Variants in SCFD1 observed in about 807,000 individuals in gnomAD.
The protein encoded by SCFD1 is sec1 family domain containing 1, also known as sec1 family domain-containing protein 1.
In SCFD1, 37 loss-of-function variants were observed where a neutral mutation model predicts 103.2. The ratio of observed to expected loss-of-function variants is 0.36; its 90% confidence interval spans 0.28 to 0.47. SCFD1 has a LOEUF of 0.47. SCFD1 is among the 20% of genes least tolerant of loss of function. The pLI is 1.00. For synonymous variants in SCFD1, 264 were observed against 245.0 expected (o/e 1.08, Z -0.73); for missense variants, 639 against 761.2 (o/e 0.84, Z 1.89).
At chr14:30,653,803 G>A (rs769369000) in intron 10 of SCFD1, 6 of 342,954 alleles carry the variant, frequency 1.7e-5, no homozygotes, top group Non-Finnish European at 3.1e-5. Flanking sequence ...TCTTTATAGG[G>A]TAAAGTAGTG....
chr14:30,729,991 A>C (rs1893329990), intron 23 of SCFD1, among the ~76,000 whole-genome samples: 1 of 151,908 alleles, frequency 6.6e-6, no homozygotes, highest in Non-Finnish European at 1.5e-5. Context: ...TATATCTCCT[A>C]ATGCTTTCTC....
chr14:30,633,915 A>G (rs772108775), intron 3 of SCFD1, 32 bp from the exon 4 acceptor site: 10 of 1,311,486 alleles, frequency 7.6e-6, no homozygotes, highest in Non-Finnish European at 1.1e-5. Flanking sequence ...AAGTGAATAA[A>G]AAAATAAGTT....
chr14:30,715,835 G>C, intron 19 of SCFD1, 89 bp from the exon 20 acceptor site: 1 of 671,090 alleles, frequency 1.5e-6, no homozygotes, highest in Non-Finnish European at 2.6e-6. Flanking sequence ...TGAAAGGTAA[G>C]CATACTTAAC....
At chr14:30,690,764 C>G (rs1890229237) in intron 14 of SCFD1, among the ~76,000 whole-genome samples, 2 of 151,938 alleles carry the variant, frequency 1.3e-5, no homozygotes, top group Non-Finnish European at 2.9e-5. Flanking sequence ...CAGAAATCAC[C>G]CGTCTTCTGC....
At chr14:30,671,833 T>C (rs1488656498) in intron 11 of SCFD1, among the ~76,000 whole-genome samples, 1 of 151,936 alleles carries the variant, frequency 6.6e-6, no homozygotes, top group East Asian at 1.9e-4. Flanking sequence ...TCATCCAGCT[T>C]TCGTTGGTAA....
intron 5 of SCFD1, among the ~76,000 whole-genome samples, chr14:30,638,489 T>C (rs1046399469): frequency 6.6e-6 from 1 of 152,192 alleles, no homozygotes; most frequent in African/African-American, 2.4e-5. Flanking sequence ...AAAAGCAGAA[T>C]GAGTTTTGCT....
chr14:30,734,334 G>GTATT (rs1893688304), intron 23 of SCFD1, among the ~76,000 whole-genome samples: 1 of 152,202 alleles, frequency 6.6e-6, no homozygotes, highest in Admixed American at 6.5e-5. Context: ...GGAATGAGAT[G>GTATT]TATTAACTTA....
At chr14:30,672,481 G>C (rs1241814223) in intron 11 of SCFD1, among the ~76,000 whole-genome samples, 7 of 152,152 alleles carry the variant, frequency 4.6e-5, no homozygotes. Context: ...TTTGTTCACT[G>C]TTAATGAGAC....
intron 23 of SCFD1, among the ~76,000 whole-genome samples, chr14:30,727,955 A>G (rs986013773): frequency 1.3e-4 from 20 of 152,202 alleles, no homozygotes; most frequent in Admixed American, 2.6e-4. Context: ...AGTCCATTCC[A>G]TCATTCCTCA....
intron 14 of SCFD1, among the ~76,000 whole-genome samples, chr14:30,677,325 C>CA (rs930396796): frequency 1.2e-4 from 18 of 151,878 alleles, no homozygotes; most frequent in South Asian, 1.0e-3. Flanking sequence ...CACACCCAGT[C>CA]AAAAAAATAG....
At position 30,632,046 on chromosome 14, in the gene SCFD1, G is replaced by GA. The variant is rs61645782; in HGVS notation, c.221+1506dup. On this transcript the variant is annotated intron_variant, in intron 3 of 24. Coordinates refer to ENST00000458591, the MANE Select transcript of SCFD1 (RefSeq NM_016106.4). ...CTGGGCAGCAGAGCAAGATTCTGTTGAAAAAAAAAAAAAAAAAAAAAAAAA... is the reference window on the plus strand; with the variant it reads ...CTGGGCAGCAGAGCAAGATTCTGTTGAAAAAAAAAAAAAAAAAAAAAAAAAA... Among the ~76,000 whole-genome samples, 590 of 70,192 alleles carry GA rather than the reference G, an allele frequency of 8.4e-3. 11 individuals are homozygous for GA. Among genetic ancestry groups the GA allele is most frequent in the South Asian group, 0.049 (90 of 1,828 alleles). 46.0% of individuals were successfully genotyped at this position (70,192 alleles called of 152,430 possible).
intron 23 of SCFD1, among the ~76,000 whole-genome samples, chr14:30,730,760 A>T (rs1222717325): frequency 6.6e-6 from 1 of 152,234 alleles, no homozygotes; most frequent in East Asian, 1.9e-4. Context: ...GCCCTTTGTC[A>T]GATGAGTAGA....
At chr14:30,667,612 A>G (rs929419673) in intron 10 of SCFD1, among the ~76,000 whole-genome samples, 4 of 152,192 alleles carry the variant, frequency 2.6e-5, no homozygotes, top group Non-Finnish European at 4.4e-5. Flanking sequence ...GAGGAAGTCA[A>G]ATTGTCCCTG....
intron 18 of SCFD1, among the ~76,000 whole-genome samples, chr14:30,707,330 T>G (rs912859034): frequency 3.0e-4 from 45 of 152,224 alleles, no homozygotes; most frequent in Admixed American, 2.9e-3. Flanking sequence ...ACCACAGATA[T>G]AAACCCAGTA....
chr14:30,722,230 C>A (rs947103361), intron 22 of SCFD1, among the ~76,000 whole-genome samples: 1 of 152,058 alleles, frequency 6.6e-6, no homozygotes, highest in African/African-American at 2.4e-5. Flanking sequence ...TACAAAGAAG[C>A]TTCTCCGTAA....
chr14:30,719,895 AT>A (rs1178745892), intron 21 of SCFD1, among the ~76,000 whole-genome samples: 2 of 145,772 alleles, frequency 1.4e-5, no homozygotes, highest in Non-Finnish European at 3.0e-5. Context: ...ATTTTTCATG[AT>A]TTAATTAGCG....
At chr14:30,712,664 A>ATAT (rs1891968919) in intron 19 of SCFD1, among the ~76,000 whole-genome samples, 2 of 152,170 alleles carry the variant, frequency 1.3e-5, no homozygotes, top group South Asian at 4.1e-4. Context: ...ATTTCTCACT[A>ATAT]TATTTTTTTC....
intron 11 of SCFD1, among the ~76,000 whole-genome samples, chr14:30,671,795 A>G (rs554740775): frequency 3.3e-5 from 5 of 152,222 alleles, no homozygotes; most frequent in South Asian, 4.2e-4. Context: ...GATTGAGATA[A>G]TGAATTTAAA....
At chr14:30,684,680 G>C (rs556857742) in intron 14 of SCFD1, among the ~76,000 whole-genome samples, 1 of 144,894 alleles carries the variant, frequency 6.9e-6, no homozygotes, top group Non-Finnish European at 1.5e-5. Flanking sequence ...TATATTCCAC[G>C]CATAGTGCTT....
Sources: gnomAD v4.1 joint callset for allele counts (sites outside exome capture counted in the v4.1 genomes callset) on GRCh38, gnomAD v4.1.1 for gene constraint, MANE v1.5 for transcripts, NCBI Gene and HGNC (gene_info 2026-07-23, HGNC 2026-07-21) for gene names.